The following HPSE2 variants were observed in gnomAD, a reference collection of about 807,000 sequenced individuals.
The protein encoded by HPSE2 is inactive heparanase-2.
A neutral mutation model predicts 60.5 loss-of-function variants in HPSE2; 38 were observed. The observed-to-expected ratio is 0.63, with a 90% CI of 0.48 to 0.82. HPSE2 has a LOEUF of 0.82. Among genes scored for constraint, HPSE2 ranks in the 40% least tolerant of loss-of-function variants. The probability of loss-of-function intolerance (pLI) is 0.00; values close to 1 mark genes in which losing one functional copy is unlikely to be tolerated. For missense variants in HPSE2, 713 were observed against 740.4 expected (o/e 0.96, Z 0.43); for synonymous variants, 295 against 293.2 (o/e 1.01, Z -0.06).
chr10:98,700,439 AT>A (rs1368437161), intron 5 of HPSE2, among the ~76,000 whole-genome samples: 2 of 146,018 alleles, frequency 1.4e-5, no homozygotes, highest in African/African-American at 4.9e-5. Context: ...CTGGCTAGCC[AT>A]ATGGAGAAAG....
chr10:98,914,354 G>A (rs912028470), intron 3 of HPSE2, among the ~76,000 whole-genome samples: 3 of 151,914 alleles, frequency 2.0e-5, no homozygotes, highest in Non-Finnish European at 4.4e-5. Context: ...TCTTTCTTTT[G>A]TAAATTAGTC....
At chr10:99,200,222 T>C (rs184747234) in intron 2 of HPSE2, among the ~76,000 whole-genome samples, 1 of 152,230 alleles carries the variant, frequency 6.6e-6, no homozygotes, top group African/African-American at 2.4e-5. Context: ...CCTGGGCAGC[T>C]AGTGACCCAT....
intron 3 of HPSE2, among the ~76,000 whole-genome samples, chr10:98,874,073 T>G (rs1316507316): frequency 1.3e-5 from 2 of 152,206 alleles, no homozygotes; most frequent in Non-Finnish European, 2.9e-5. Context: ...TCTTATCAAT[T>G]TTTTTAAGTT....
At chr10:99,310,146 C>T in the HPSE2 span, among the ~76,000 whole-genome samples, 4 of 152,320 alleles carry the variant, frequency 2.6e-5, no homozygotes, top group South Asian at 8.3e-4. Flanking sequence ...TATAAGAACG[C>T]TTATGATAGC....
At chr10:98,499,032 G>A (rs1187765380) in intron 9 of HPSE2, among the ~76,000 whole-genome samples, 2 of 152,154 alleles carry the variant, frequency 1.3e-5, no homozygotes, top group Non-Finnish European at 1.5e-5. Flanking sequence ...AGAATAATTG[G>A]TGTTCCTGAG....
intron 6 of HPSE2, among the ~76,000 whole-genome samples, chr10:98,656,139 C>T (rs571233521): frequency 1.6e-4 from 24 of 150,074 alleles, no homozygotes; most frequent in South Asian, 4.2e-4. Context: ...CAGGCTGGAG[C>T]GCAATGGCGC....
rs1341903799 is a variant in HPSE2, at chr10:98,641,834, T to C, written c.1098+13A>G. On this transcript the variant is annotated intron_variant, in intron 7 of 11. Transcript: ENST00000370552. ...AGAATCGCTCCTTTTCTTCCCAGGATACTTTTACTCACTTTCTGAATTTTC... is the reference window on the plus strand; with the variant it reads ...AGAATCGCTCCTTTTCTTCCCAGGACACTTTTACTCACTTTCTGAATTTTC... 1.3e-5 allele frequency: 20 copies of C among 1,588,736 alleles called. No individual in the cohort carries two copies. The highest frequency in any genetic ancestry group is 2.2e-5 in the East Asian group (1 of 44,748).
At chr10:98,540,811 A>T (rs1038873109) in intron 9 of HPSE2, among the ~76,000 whole-genome samples, 1 of 152,208 alleles carries the variant, frequency 6.6e-6, no homozygotes, top group Non-Finnish European at 1.5e-5. Context: ...TTTGAAGTGC[A>T]GAGCCATTTC....
At chr10:99,061,322 C>T (rs1235557861) in intron 3 of HPSE2, among the ~76,000 whole-genome samples, 6 of 152,286 alleles carry the variant, frequency 3.9e-5, no homozygotes, top group Admixed American at 6.5e-5. Context: ...ACACCAAGTC[C>T]TCAAGTGATG....
chr10:98,533,779 C>G (rs1362112020), intron 9 of HPSE2, among the ~76,000 whole-genome samples: 1 of 152,174 alleles, frequency 6.6e-6, no homozygotes, highest in African/African-American at 2.4e-5. Context: ...GAAAATCGGA[C>G]AGAACAATGA....
chr10:98,614,950 T>A lies in HPSE2; in HGVS notation c.1274A>T (p.Asp425Val). The A allele has an allele frequency of 1.2e-6, 2 of 1,614,048 alleles. No individual in the cohort carries two copies. Among genetic ancestry groups the A allele is most frequent in the Non-Finnish European group, 1.7e-6 (2 of 1,179,932 alleles). The change falls in exon 9 of 12, where the codon GAC (aspartate) becomes GTC (valine). Residue 425 changes from aspartate to valine, a missense_variant. Coordinates refer to ENST00000370552, the MANE Select transcript of HPSE2 (RefSeq NM_021828.5). The stretch of plus-strand genomic sequence containing the variant: ...GTCCACGAGGTGATTGTATCCATGG[T>A]CAAAAAATGAGTGCCGTATCACGAC... ...IDVVIRHSFFDHGYNHLVDQN... is the reference protein window; with the variant it reads ...IDVVIRHSFFVHGYNHLVDQN...
chr10:99,042,283 A>G (rs1444039906), intron 3 of HPSE2, among the ~76,000 whole-genome samples: 1 of 151,598 alleles, frequency 6.6e-6, no homozygotes, highest in Non-Finnish European at 1.5e-5. Flanking sequence ...CCCCTGCCCC[A>G]CCCTTGGCCA....
chr10:98,747,708 G>A (rs1949661704), intron 3 of HPSE2, among the ~76,000 whole-genome samples: 2 of 152,130 alleles, frequency 1.3e-5, no homozygotes, highest in African/African-American at 2.4e-5. Context: ...CTAAACTCAA[G>A]AGCTATACCA....
At chr10:99,094,540 ATT>A (rs531721304) in intron 3 of HPSE2, among the ~76,000 whole-genome samples, 18 of 26,598 alleles carry the variant, frequency 6.8e-4, no homozygotes, top group East Asian at 4.1e-3. Context: ...ATATATATAT[ATT>A]TTTTTTTTTT....
At chr10:98,813,494 CTG>C (rs1951214523) in intron 3 of HPSE2, among the ~76,000 whole-genome samples, 1 of 152,144 alleles carries the variant, frequency 6.6e-6, no homozygotes, top group South Asian at 2.1e-4. Context: ...CCCAAAATCA[CTG>C]CCTTCTCCAT....
intron 3 of HPSE2, among the ~76,000 whole-genome samples, chr10:99,138,305 A>C (rs964509784): frequency 1.3e-5 from 2 of 152,242 alleles, no homozygotes; most frequent in African/African-American, 2.4e-5. Context: ...AGTGTAAATT[A>C]GTTCAACCAT....
chr10:98,897,900 G>A (rs1443808328), intron 3 of HPSE2, among the ~76,000 whole-genome samples: 1 of 151,878 alleles, frequency 6.6e-6, no homozygotes, highest in Non-Finnish European at 1.5e-5. Context: ...TTAATGGAAC[G>A]AAAAGCCACA....
chr10:99,063,741 A>G (rs897772552), intron 3 of HPSE2, among the ~76,000 whole-genome samples: 3 of 152,250 alleles, frequency 2.0e-5, no homozygotes, highest in Non-Finnish European at 4.4e-5. Flanking sequence ...ACATATGTTT[A>G]TATAAATGTG....
intron 9 of HPSE2, among the ~76,000 whole-genome samples, chr10:98,543,285 G>T (rs370283139): frequency 1.3e-5 from 2 of 152,044 alleles, no homozygotes; most frequent in Admixed American, 6.6e-5. Flanking sequence ...TGCTGAGAGA[G>T]TTTGTCACCA....
Sources: gnomAD v4.1 joint callset for allele counts (sites outside exome capture counted in the v4.1 genomes callset) on GRCh38, gnomAD v4.1.1 for gene constraint, MANE v1.5 for transcripts, NCBI Gene and HGNC (gene_info 2026-07-23, HGNC 2026-07-21) for gene names.